Variants in KCNQ5 observed in about 807,000 individuals in gnomAD.
KCNQ5 encodes potassium voltage-gated channel subfamily Q member 5, also known as potassium voltage-gated channel subfamily KQT member 5.
In KCNQ5, 30 loss-of-function variants were observed where a neutral mutation model predicts 98.2. The ratio of observed to expected loss-of-function variants is 0.31; its 90% CI spans 0.23 to 0.41. The LOEUF is 0.41. Among genes scored for constraint, KCNQ5 ranks in the 10% least tolerant of loss-of-function variants. The probability of loss-of-function intolerance (pLI) is 1.00; values close to 1 mark genes in which losing one functional copy is unlikely to be tolerated. For synonymous variants in KCNQ5, 458 were observed against 449.4 expected (o/e 1.02, Z -0.24); for missense variants, 835 against 1,182.5 (o/e 0.71, Z 4.31).
At chr6:72,662,387 C>A (rs1582071032) in intron 1 of KCNQ5, among the ~76,000 whole-genome samples, 1 of 151,986 alleles carries the variant, frequency 6.6e-6, no homozygotes. Flanking sequence ...CTTTTTAATT[C>A]TCTCTAGCCA....
intron 11 of KCNQ5, among the ~76,000 whole-genome samples, chr6:73,172,680 T>C (rs1271264302): frequency 6.6e-6 from 1 of 152,212 alleles, no homozygotes; most frequent in Non-Finnish European, 1.5e-5. Context: ...AAGCAGTATG[T>C]ATATGTATAT....
intron 3 of KCNQ5, chr6:73,055,174 C>A: frequency 1.2e-6 from 1 of 853,890 alleles, no homozygotes; most frequent in Non-Finnish European, 2.0e-6. Context: ...GCGGCTGGTA[C>A]GACGCCATCC....
intron 5 of KCNQ5, among the ~76,000 whole-genome samples, chr6:73,081,446 G>T (rs1454793323): frequency 6.6e-6 from 1 of 152,084 alleles, no homozygotes; most frequent in African/African-American, 2.4e-5. Flanking sequence ...CCTGTTTTGT[G>T]GGAGTGATTT....
intron 1 of KCNQ5, among the ~76,000 whole-genome samples, chr6:72,776,881 G>C (rs779895955): frequency 1.3e-5 from 2 of 152,172 alleles, no homozygotes; most frequent in African/African-American, 4.8e-5. Context: ...AGGCCAGGGT[G>C]CCATGAAATG....
At chr6:72,984,640 G>A (rs936413673) in intron 1 of KCNQ5, among the ~76,000 whole-genome samples, 3 of 152,170 alleles carry the variant, frequency 2.0e-5, no homozygotes, top group African/African-American at 4.8e-5. Flanking sequence ...GCTAGGAAAC[G>A]GAAATCCCCC....
At chr6:72,908,436 A>G (rs1779790064) in intron 1 of KCNQ5, among the ~76,000 whole-genome samples, 2 of 152,178 alleles carry the variant, frequency 1.3e-5, no homozygotes, top group Non-Finnish European at 2.9e-5. Context: ...TTTGCTATCT[A>G]TATGTATCCT....
At chr6:72,672,767 A>T (rs1349274647) in intron 1 of KCNQ5, among the ~76,000 whole-genome samples, 1 of 152,192 alleles carries the variant, frequency 6.6e-6, no homozygotes, top group Non-Finnish European at 1.5e-5. Flanking sequence ...CATTACTATA[A>T]TAGTGGTAAT....
intron 1 of KCNQ5, among the ~76,000 whole-genome samples, chr6:72,900,918 T>C (rs897548597): frequency 2.0e-5 from 3 of 152,198 alleles, no homozygotes; most frequent in African/African-American, 4.8e-5. Flanking sequence ...GAGCATTTGT[T>C]CATATGTTTG....
At chr6:72,860,032 T>C (rs1461456840) in intron 1 of KCNQ5, among the ~76,000 whole-genome samples, 1 of 152,104 alleles carries the variant, frequency 6.6e-6, no homozygotes, top group Non-Finnish European at 1.5e-5. Flanking sequence ...CTCTTCTTTA[T>C]GTAAGATACT....
chr6:73,186,405 C>T (rs1778573682), intron 11 of KCNQ5, among the ~76,000 whole-genome samples: 1 of 152,212 alleles, frequency 6.6e-6, no homozygotes, highest in South Asian at 2.1e-4. Context: ...TCTTCAAAAA[C>T]TTAATCCTTA....
chr6:73,195,385 C>T lies in KCNQ5; in HGVS notation c.2770C>T (p.Leu924Phe), dbSNP rs1402416247. 2.5e-6 allele frequency: 4 copies of T among 1,613,436 alleles called. No individual in the cohort carries two copies. The South Asian group carries it at 3.3e-5, about 13-fold the overall frequency. Residue 924 changes from leucine to phenylalanine, a missense_variant, in exon 14 of 14, where the codon CTC becomes TTC. Around this residue, in one of 10 missense-constraint regions of KCNQ5, gnomAD observed 416 missense variants for 446.9 expected, o/e 0.93. Transcript: ENST00000370398. The part of the protein sequence containing the change: ...ICKAGESTDA[L>F]SLPHVKLK The stretch of plus-strand genomic sequence containing the variant: ...TAAGGCAGGAGAAAGTACAGATGCC[C>T]TCAGCTTGCCTCATGTCAAACTGAA...
At chr6:72,710,045 G>A (rs954122271) in intron 1 of KCNQ5, among the ~76,000 whole-genome samples, 3 of 152,150 alleles carry the variant, frequency 2.0e-5, no homozygotes, top group Non-Finnish European at 4.4e-5. Flanking sequence ...GGAATGGAGT[G>A]AGTGAGGGAA....
intron 1 of KCNQ5, among the ~76,000 whole-genome samples, chr6:72,666,392 G>A (rs12212818): frequency 0.18 from 26,696 of 151,908 alleles, 2,488 homozygotes; most frequent in Middle Eastern, 0.27. Context: ...TGACATTATC[G>A]ATTAATCAAT....
chr6:72,643,335 G>A (rs963966620), intron 1 of KCNQ5, among the ~76,000 whole-genome samples: 5 of 152,134 alleles, frequency 3.3e-5, no homozygotes, highest in Non-Finnish European at 5.9e-5. Flanking sequence ...TTGATCCTCA[G>A]TTAAAGGCAC....
At chr6:73,027,278 C>T (rs937187158) in intron 2 of KCNQ5, among the ~76,000 whole-genome samples, 1 of 152,216 alleles carries the variant, frequency 6.6e-6, no homozygotes, top group Admixed American at 6.5e-5. Context: ...GTAGACCCTT[C>T]CTTCTGGTCC....
chr6:73,147,134 C>A, intron 10 of KCNQ5, among the ~76,000 whole-genome samples: 1 of 152,036 alleles, frequency 6.6e-6, no homozygotes, highest in East Asian at 1.9e-4. Context: ...AACCTCACTG[C>A]CACTTTAATT....
chr6:72,881,067 G>A (rs1043418370), intron 1 of KCNQ5, among the ~76,000 whole-genome samples: 4 of 152,202 alleles, frequency 2.6e-5, no homozygotes, highest in Non-Finnish European at 5.9e-5. Flanking sequence ...AACTTTTAAT[G>A]AGTGATTGTC....
intron 1 of KCNQ5, among the ~76,000 whole-genome samples, chr6:72,777,701 A>G (rs1773227534): frequency 6.6e-6 from 1 of 152,194 alleles, no homozygotes; most frequent in Non-Finnish European, 1.5e-5. Context: ...GGAACCACAG[A>G]GGTGATTCTT....
At chr6:72,816,453 C>T (rs1775513088) in intron 1 of KCNQ5, among the ~76,000 whole-genome samples, 1 of 152,104 alleles carries the variant, frequency 6.6e-6, no homozygotes, top group Admixed American at 6.5e-5. Context: ...ATTAAAGTAA[C>T]TTTGTAAGAA....
Sources: allele counts gnomAD v4.1 joint callset (sites outside exome capture counted in the v4.1 genomes callset), GRCh38; gene constraint gnomAD v4.1.1; regional missense constraint gnomAD v4.1.1; transcripts MANE v1.5; gene names NCBI Gene and HGNC (gene_info 2026-07-23, HGNC 2026-07-21).